Variants in KITLG observed in about 807,000 individuals in gnomAD.
KITLG encodes c-Kit ligand.
KITLG carries 13 observed loss-of-function variants against 34.1 expected under a neutral mutation model. That is an observed-to-expected ratio of 0.38 (90% CI 0.25 to 0.61). The LOEUF is 0.61. KITLG is among the 20% of genes least tolerant of loss of function. The pLI, the probability that KITLG is intolerant of heterozygous loss-of-function variation, is 0.60. For missense variants in KITLG, 292 were observed against 318.9 expected (o/e 0.92, Z 0.64); for synonymous variants, 110 against 104.0 (o/e 1.06, Z -0.35).
chr12:88,505,215 C>T lies in KITLG; in HGVS notation c.803G>A (p.Arg268Lys). Residue 268 changes from arginine to lysine, a missense_variant, in exon 9 of 10, where the codon AGA (arginine) becomes AAA (lysine). This residue lies in a region of KITLG where 140 missense variants were observed against 111.0 expected (regional missense o/e 1.26). Coordinates refer to ENST00000644744, the MANE Select transcript of KITLG (RefSeq NM_000899.5). ...CCACAATTACACTTCTTGAAACTCT[C>T]TCTCTTTCTCTTGCAACATACTGAA... ...NEISMLQEKE[R>K]EFQEV is the part of the protein sequence containing the mutation. 1 of 1,611,180 alleles carries T rather than the reference C, an allele frequency of 6.2e-7. No individual in the cohort carries two copies. The highest frequency in any genetic ancestry group is 1.7e-4 in the Middle Eastern group (1 of 6,054).
intron 9 of KITLG, among the ~76,000 whole-genome samples, chr12:88,504,326 T>C (rs1160617362): frequency 6.6e-6 from 1 of 152,138 alleles, no homozygotes; most frequent in South Asian, 2.1e-4. Flanking sequence ...TCTTGCTAAA[T>C]ATTTCAGTTT....
chr12:88,533,001 C>T (rs1032507029), intron 2 of KITLG, among the ~76,000 whole-genome samples: 7 of 152,034 alleles, frequency 4.6e-5, no homozygotes, highest in Non-Finnish European at 8.8e-5. Context: ...CAGGTGATTC[C>T]GATGTGCACC....
chr12:88,520,480 C>T (rs1869618159), intron 3 of KITLG, among the ~76,000 whole-genome samples: 1 of 152,130 alleles, frequency 6.6e-6, no homozygotes, highest in South Asian at 2.1e-4. Context: ...CCAATTCATT[C>T]CGTTGAAATT....
At chr12:88,505,527 T>C (rs1185662701) in intron 8 of KITLG, among the ~76,000 whole-genome samples, 1 of 152,108 alleles carries the variant, frequency 6.6e-6, no homozygotes, top group African/African-American at 2.4e-5. Context: ...AGGCATGACA[T>C]GAGAGAAGGC....
chr12:88,501,322 T>A (rs1868846869), intron 9 of KITLG, among the ~76,000 whole-genome samples: 1 of 152,182 alleles, frequency 6.6e-6, no homozygotes, highest in South Asian at 2.1e-4. Context: ...TAAACCTGAG[T>A]CATTCCTTGT....
rs1869099406 is a variant in KITLG, at chr12:88,507,204, G to A, written c.605-67C>T. 9.9e-6 allele frequency: 10 copies of A among 1,013,440 alleles called. No homozygotes were observed. The South Asian group carries it at 1.0e-4, about 10-fold the overall frequency. 62.8% of individuals were successfully genotyped at this position (1,013,440 alleles called of 1,614,324 possible). ...TCTAGAAGTTTTGCTCTTATGCTGTGGTTGTTTTTAACTGTTTCTGTAACA... is the reference window on the plus strand; with the variant it reads ...TCTAGAAGTTTTGCTCTTATGCTGTAGTTGTTTTTAACTGTTTCTGTAACA... On this transcript the variant is annotated intron_variant, in intron 6 of 9. Coordinates refer to ENST00000644744, the MANE Select transcript of KITLG (RefSeq NM_000899.5).
intron 1 of KITLG, among the ~76,000 whole-genome samples, chr12:88,549,750 T>C (rs1870831702): frequency 2.0e-5 from 3 of 152,082 alleles, no homozygotes; most frequent in Admixed American, 6.6e-5. Context: ...TAACCTTCCA[T>C]ATATAAGCAA....
At chr12:88,533,546 T>C (rs1486865238) in intron 2 of KITLG, among the ~76,000 whole-genome samples, 1 of 152,154 alleles carries the variant, frequency 6.6e-6, no homozygotes, top group Admixed American at 6.6e-5. Flanking sequence ...TATGTCACCA[T>C]TAAAATTCCC....
chr12:88,519,346 T>C (rs1047420344), intron 3 of KITLG, among the ~76,000 whole-genome samples: 4 of 152,152 alleles, frequency 2.6e-5, no homozygotes, highest in Non-Finnish European at 5.9e-5. Context: ...TAATGTGTTA[T>C]CTTTTCTCTT....
chr12:88,575,863 G>A (rs1871808061), intron 1 of KITLG, among the ~76,000 whole-genome samples: 1 of 151,962 alleles, frequency 6.6e-6, no homozygotes, highest in South Asian at 2.1e-4. Flanking sequence ...ATTTACAAAA[G>A]GGAACATTAA....
intron 4 of KITLG, among the ~76,000 whole-genome samples, chr12:88,518,163 A>T (rs1020397737): frequency 2.0e-5 from 3 of 152,162 alleles, no homozygotes; most frequent in Non-Finnish European, 4.4e-5. Flanking sequence ...CTCATTAGCG[A>T]CAGAGCCAGA....
Position 88,507,135 on chromosome 12 carries a change from T to C in KITLG, c.607A>G (p.Lys203Glu), listed in dbSNP as rs753659682. ...GAGTCTCCAGGGGGATTTTTGGCCT[T>C]CCCTATAATTTAAAGAACACACTGA... Reference protein sequence around the residue: ...LRNDSSSSNRKAKNPPGDSSL... With the variant: ...LRNDSSSSNREAKNPPGDSSL... The change falls in exon 7 of 10, where the codon AAG becomes GAG. Residue 203 changes from lysine to glutamate, a missense_variant and splice_region_variant. Physicochemically the swap from Lys to Glu is moderately conservative, Grantham distance 56. Coordinates refer to ENST00000644744, the MANE Select transcript of KITLG (RefSeq NM_000899.5). 6.3e-7 allele frequency: 1 copy of C among 1,594,588 alleles called. No individual in the cohort carries two copies. Among genetic ancestry groups the C allele is most frequent in the South Asian group, 1.1e-5 (1 of 90,706 alleles).
chr12:88,505,498 T>C (rs765765692), intron 8 of KITLG, among the ~76,000 whole-genome samples: 1 of 152,206 alleles, frequency 6.6e-6, no homozygotes. Context: ...GCATTTCATA[T>C]GTGTCTGTGT....
At chr12:88,516,012 A>G (rs1592842132) in intron 5 of KITLG, among the ~76,000 whole-genome samples, 2 of 151,800 alleles carry the variant, frequency 1.3e-5, no homozygotes, top group East Asian at 1.9e-4. Flanking sequence ...AAATTTGAGA[A>G]GGACCATTAA....
intron 3 of KITLG, among the ~76,000 whole-genome samples, chr12:88,531,848 T>G (rs1870104841): frequency 6.6e-6 from 1 of 152,048 alleles, no homozygotes; most frequent in South Asian, 2.1e-4. Flanking sequence ...ATGGAAAATA[T>G]TCAAACAATA....
intron 1 of KITLG, among the ~76,000 whole-genome samples, chr12:88,572,305 T>C (rs1871676576): frequency 6.6e-6 from 1 of 151,950 alleles, no homozygotes; most frequent in Non-Finnish European, 1.5e-5. Context: ...GATTTGCTAG[T>C]ATTATTAGAA....
intron 1 of KITLG, among the ~76,000 whole-genome samples, chr12:88,557,346 G>A (rs529279380): frequency 1.8e-3 from 271 of 152,224 alleles, no homozygotes; most frequent in Non-Finnish European, 2.9e-3. Flanking sequence ...ACATAATAGA[G>A]TAAGCATTTG....
intron 4 of KITLG, among the ~76,000 whole-genome samples, chr12:88,517,747 A>C (rs1011339762): frequency 6.6e-6 from 1 of 152,160 alleles, no homozygotes; most frequent in Non-Finnish European, 1.5e-5. Flanking sequence ...GATTAAAGGT[A>C]GTGATTGGAT....
chr12:88,541,134 A>G (rs928917604), intron 2 of KITLG, among the ~76,000 whole-genome samples: 2 of 152,186 alleles, frequency 1.3e-5, no homozygotes, highest in African/African-American at 4.8e-5. Flanking sequence ...TGTCTATTCA[A>G]AGTGTGAAAA....
Sources: gnomAD v4.1 joint callset for allele counts (sites outside exome capture counted in the v4.1 genomes callset) on GRCh38, gnomAD v4.1.1 for gene constraint, gnomAD v4.1.1 regional missense constraint, MANE v1.5 for transcripts, NCBI Gene and HGNC (gene_info 2026-07-23, HGNC 2026-07-21) for gene names.